MYT1L: variants seen among roughly 807,000 people sequenced by gnomAD.
MYT1L encodes myelin transcription factor 1-like protein.
In MYT1L, 12 loss-of-function variants were observed where a neutral mutation model predicts 126.7. That is an observed-to-expected ratio of 0.09 (90% CI 0.06 to 0.15). The LOEUF (loss-of-function observed/expected upper bound fraction) is 0.15, where lower values mean the gene tolerates loss of function less well. Ranked by LOEUF, MYT1L falls within the 10% of genes least tolerant of loss-of-function variation. MYT1L has a pLI of 1.00. For synonymous variants in MYT1L, 541 were observed against 604.2 expected (o/e 0.90, Z 1.53); for missense variants, 979 against 1,585.2 (o/e 0.62, Z 6.49).
intron 4 of MYT1L, among the ~76,000 whole-genome samples, chr2:2,053,554 A>C (rs1163891736): frequency 1.3e-5 from 2 of 152,328 alleles, no homozygotes; most frequent in Non-Finnish European, 2.9e-5. Context: ...ACCCTAGGCA[A>C]TGCAAAACAG....
At chr2:1,840,239 A>C (rs2041481150) in intron 20 of MYT1L, among the ~76,000 whole-genome samples, 1 of 152,108 alleles carries the variant, frequency 6.6e-6, no homozygotes, top group South Asian at 2.1e-4. Flanking sequence ...TTTGGGGCCC[A>C]GGCATGGCTG....
At position 2,057,656 on chromosome 2, in the gene MYT1L, T is replaced by C. The variant is rs567651994; in HGVS notation, c.-303-3533A>G. Among the ~76,000 whole-genome samples, 70 of 152,348 alleles carry C rather than the reference T, an allele frequency of 4.6e-4. 1 individual carries two copies. Among genetic ancestry groups the C allele is most frequent in the African/African-American group, 1.7e-3 (69 of 41,580 alleles). The stretch of plus-strand genomic sequence containing the variant: ...CTGGCAACCACTCATCAGTGTTTCC[T>C]GTCGTTTTGTTATTTCAAGAACGTT... On this transcript the variant is annotated intron_variant, in intron 3 of 24. Transcript: ENST00000647738.
chr2:2,141,600 G>C (rs114398602), intron 3 of MYT1L, among the ~76,000 whole-genome samples: 19 of 152,272 alleles, frequency 1.2e-4, no homozygotes, highest in Non-Finnish European at 2.4e-4. Context: ...TAAACCTCTC[G>C]TATCAGGAGA....
At chr2:1,901,903 G>A (rs1201020030) in intron 14 of MYT1L, among the ~76,000 whole-genome samples, 3 of 152,122 alleles carry the variant, frequency 2.0e-5, no homozygotes, top group Admixed American at 6.5e-5. Flanking sequence ...CAAGTGATCC[G>A]CCTGCCTCAG....
Position 1,791,752 on chromosome 2 carries a change from TA to T in MYT1L, c.*114del. The T allele has an allele frequency of 9.3e-7, 1 of 1,070,176 alleles. No homozygotes were observed. Among genetic ancestry groups the T allele is most frequent in the Non-Finnish European group, 1.3e-6 (1 of 761,276 alleles). 66.3% of individuals were successfully genotyped at this position (1,070,176 alleles called of 1,614,324 possible). On this transcript the variant is annotated 3_prime_UTR_variant, in exon 25 of 25. Coordinates refer to ENST00000647738, the MANE Select transcript of MYT1L (RefSeq NM_001303052.2). The surrounding 1 kb of genome is among the most constrained non-coding windows in gnomAD (Gnocchi z 6.0). ...AAATCATTATGAAGTCTTGTAAGCA[TA>T]ACACTGTTTCAAATTCAAACAGAAA...
intron 3 of MYT1L, among the ~76,000 whole-genome samples, chr2:2,119,640 G>C (rs916801282): frequency 1.3e-5 from 2 of 152,178 alleles, no homozygotes; most frequent in Admixed American, 6.5e-5. Flanking sequence ...CTCAGCCCAG[G>C]TTTAACCTCA....
chr2:2,212,236 G>A (rs2093546929), intron 2 of MYT1L, among the ~76,000 whole-genome samples: 1 of 111,576 alleles, frequency 9.0e-6, no homozygotes, highest in Non-Finnish European at 2.0e-5. Flanking sequence ...ATTTAACTTT[G>A]AACACCAATA....
intron 4 of MYT1L, among the ~76,000 whole-genome samples, chr2:1,998,538 C>G (rs151164469): frequency 2.6e-5 from 4 of 152,200 alleles, no homozygotes; most frequent in Non-Finnish European, 5.9e-5. Context: ...TTAATTTTCC[C>G]CAGAGAACAA....
In MYT1L at chr2:1,809,064, A is replaced by C. The variant is rs755487382; in HGVS notation, c.3172+12T>G. ...TGACCATGGGTGCCACGAGGGCTGG[A>C]GGGGTGCTCACCGTTGCTGGCCCGC... On this transcript the variant is annotated intron_variant, in intron 22 of 24. Coordinates refer to ENST00000647738, the MANE Select transcript of MYT1L (RefSeq NM_001303052.2). 10 of 1,613,408 alleles carry C rather than the reference A, an allele frequency of 6.2e-6. No homozygotes were observed. Among genetic ancestry groups the C allele is most frequent in the Non-Finnish European group, 8.5e-6 (10 of 1,179,600 alleles).
At chr2:2,288,519 C>T (rs928031796) in intron 1 of MYT1L, among the ~76,000 whole-genome samples, 1 of 152,148 alleles carries the variant, frequency 6.6e-6, no homozygotes, top group Non-Finnish European at 1.5e-5. Flanking sequence ...AGGTAAAATA[C>T]ACAAAAGATT....
chr2:2,124,776 C>T (rs894186361), intron 3 of MYT1L, among the ~76,000 whole-genome samples: 2 of 152,098 alleles, frequency 1.3e-5, no homozygotes, highest in Non-Finnish European at 2.9e-5. Context: ...GGTCCCGACA[C>T]AAAGGCTGAA....
intron 1 of MYT1L, among the ~76,000 whole-genome samples, chr2:2,311,021 A>G (rs780179301): frequency 6.6e-6 from 1 of 152,184 alleles, no homozygotes; most frequent in African/African-American, 2.4e-5. Flanking sequence ...CCTTTCCCCA[A>G]TTGGGTCAAC....
At chr2:1,813,799 G>A (rs572957409) in intron 21 of MYT1L, among the ~76,000 whole-genome samples, 138 of 148,070 alleles carry the variant, frequency 9.3e-4, no homozygotes, top group African/African-American at 3.2e-3. Context: ...AGGCCGAGGC[G>A]GGCGGATCAC....
chr2:1,894,386 C>T (rs75273633), intron 14 of MYT1L, among the ~76,000 whole-genome samples: 3,587 of 152,300 alleles, frequency 0.024, 77 homozygotes, highest in South Asian at 0.061. Context: ...GGCACCCCCA[C>T]GGGCCCTGTG....
At chr2:2,291,100 C>A (rs951979784) in intron 1 of MYT1L, among the ~76,000 whole-genome samples, 2 of 151,432 alleles carry the variant, frequency 1.3e-5, no homozygotes, top group Non-Finnish European at 2.9e-5. Flanking sequence ...TATGTTTTTA[C>A]TTAAGGAATA....
At chr2:1,886,200 G>C (rs773991031) in intron 18 of MYT1L, 4 of 204,698 alleles carry the variant, frequency 2.0e-5, no homozygotes, top group Non-Finnish European at 2.9e-5. Context: ...ATTAAATTTT[G>C]ATTATTTACA....
At chr2:1,849,224 G>T (rs1026085801) in intron 19 of MYT1L, among the ~76,000 whole-genome samples, 2 of 152,058 alleles carry the variant, frequency 1.3e-5, no homozygotes, top group Admixed American at 1.3e-4. Context: ...ACCTTACGGG[G>T]TGCTGACATT....
intron 18 of MYT1L, among the ~76,000 whole-genome samples, chr2:1,863,743 G>T (rs529732583): frequency 9.3e-5 from 14 of 150,770 alleles, no homozygotes; most frequent in East Asian, 4.0e-4. Flanking sequence ...AACAAAAAAG[G>T]GGGGGGCATT....
chr2:1,875,634 G>A (rs185729649), intron 18 of MYT1L, among the ~76,000 whole-genome samples: 24 of 152,270 alleles, frequency 1.6e-4, no homozygotes, highest in Admixed American at 5.2e-4. Context: ...CCAAGCACTG[G>A]GCCAGGAGGC....
Sources: allele counts gnomAD v4.1 joint callset (sites outside exome capture counted in the v4.1 genomes callset), GRCh38; gene constraint gnomAD v4.1.1; non-coding constraint Gnocchi (gnomAD v3.1); transcripts MANE v1.5; gene names NCBI Gene and HGNC (gene_info 2026-07-23, HGNC 2026-07-21).